Variants in MASTL observed in about 807,000 individuals in gnomAD.
MASTL encodes the protein serine/threonine-protein kinase greatwall.
In MASTL, 54 loss-of-function variants were observed where a neutral mutation model predicts 82.5. The ratio of observed to expected loss-of-function variants is 0.65; its 90% CI spans 0.53 to 0.82. The LOEUF (loss-of-function observed/expected upper bound fraction) is 0.82. Among genes scored for constraint, MASTL ranks in the 40% least tolerant of loss-of-function variants. The probability of loss-of-function intolerance (pLI) is 0.00; values close to 1 mark genes in which losing one functional copy is unlikely to be tolerated. For missense variants in MASTL, 950 were observed against 1,047.8 expected, an observed-to-expected ratio of 0.91 and a Z score of 1.29; for synonymous variants, 323 against 368.9, an observed-to-expected ratio of 0.88 and a Z score of 1.43.
At position 27,183,575 on chromosome 10, in the gene MASTL, C is replaced by T. The variant is rs568944917; in HGVS notation, c.2482+1994C>T. ...TGGGATTTTAAAATTCCTTTTGTAA[C>T]GAGGTATGGTAATATAGAGAAAAGC... is the stretch of plus-strand genomic sequence containing the variant. On this transcript the variant is annotated intron_variant, in intron 11 of 11. Coordinates refer to ENST00000375940, the MANE Select transcript of MASTL (RefSeq NM_001172303.3). Among the ~76,000 whole-genome samples, 8 of 152,058 alleles carry T rather than the reference C, an allele frequency of 5.3e-5. No individual in the cohort carries two copies. The South Asian group carries it at 1.0e-3, about 20-fold the overall frequency.
In MASTL at chr10:27,175,897, G is replaced by C. The variant is rs192926830; in HGVS notation, c.2266+2638G>C. Reference sequence around the variant, plus strand: ...AGATCACTTGAGGTCAGGAGTTCAAGACCAGCCTGGCCAACATGGTAAAAC... The same window carrying C: ...AGATCACTTGAGGTCAGGAGTTCAACACCAGCCTGGCCAACATGGTAAAAC... On this transcript the variant is annotated intron_variant, in intron 9 of 11. Transcript: ENST00000375940. Among the ~76,000 whole-genome samples, 171 of 152,222 alleles carry C rather than the reference G, an allele frequency of 1.1e-3. 1 individual carries two copies. The highest frequency in any genetic ancestry group is 4.0e-3 in the African/African-American group (168 of 41,562).
intron 6 of MASTL, among the ~76,000 whole-genome samples, 158 bp downstream of exon 6, chr10:27,165,697 C>T (rs1370290040): frequency 2.0e-5 from 3 of 151,928 alleles, no homozygotes; most frequent in Non-Finnish European, 4.4e-5. Context: ...CTCACTGCAA[C>T]CCAGGAGTTC....
Position 27,180,944 on chromosome 10 carries a change from C to T in MASTL, c.2267-9C>T, listed in dbSNP as rs751360036. ...CTTGCAACTTTAGCTGTTTCCTCTT[C>T]GATTACAGGTCCTGCGGTAGACTGG... On this transcript the variant is annotated splice_polypyrimidine_tract_variant and intron_variant, in intron 9 of 11. Coordinates refer to ENST00000375940, the MANE Select transcript of MASTL (RefSeq NM_001172303.3). The T allele has an allele frequency of 1.1e-5, 17 of 1,554,962 alleles. No homozygotes were observed. Among genetic ancestry groups the T allele is most frequent in the Admixed American group, 8.3e-5 (5 of 59,918 alleles).
chr10:27,164,001 C>T (rs1214167711), intron 4 of MASTL, among the ~76,000 whole-genome samples: 1 of 151,994 alleles, frequency 6.6e-6, no homozygotes, highest in African/African-American at 2.4e-5. Flanking sequence ...AGTACAGTGG[C>T]ATGATCTAGG....
In MASTL at chr10:27,170,268, C is replaced by T. The variant is rs771323714; in HGVS notation, c.1309C>T (p.His437Tyr). Residue 437 changes from histidine to tyrosine, a missense_variant, in exon 8 of 12, where the codon CAC becomes TAC. By Grantham distance (83) the His-to-Tyr change is moderately conservative. Transcript: ENST00000375940. ...GGATTCTGGTGGGATATCTGAAGAGCACCTTGGGAAAAGAAGTTTAAAAAG... is the reference window on the plus strand; with the variant it reads ...GGATTCTGGTGGGATATCTGAAGAGTACCTTGGGAAAAGAAGTTTAAAAAG... The part of the protein sequence containing the change: ...AVDSGGISEE[H>Y]LGKRSLKRNF... The T allele has an allele frequency of 2.5e-6, 4 of 1,614,014 alleles. No individual in the cohort carries two copies. The highest frequency in any genetic ancestry group is 3.4e-6 in the Non-Finnish European group (4 of 1,179,950).
At chr10:27,165,018 G>T (rs923687971) in intron 4 of MASTL, 46 bp from the exon 5 acceptor site, 1 of 1,194,928 alleles carries the variant, frequency 8.4e-7, no homozygotes. Flanking sequence ...GTCAATGGGA[G>T]GTAAAGGTTT....
rs1293542295 is a variant in MASTL at position 27,186,636 on chromosome 10, A to G, written c.*100A>G. Reference sequence around the variant, plus strand: ...ATTGATCTAAGGGGGAAAGATCATTATTTAACCTAGTTCAATGTGCTTTTA... The same window carrying G: ...ATTGATCTAAGGGGGAAAGATCATTGTTTAACCTAGTTCAATGTGCTTTTA... On this transcript the variant is annotated 3_prime_UTR_variant, in exon 12 of 12. Transcript: ENST00000375940. The G allele has an allele frequency of 9.0e-7, 1 of 1,105,324 alleles. No homozygotes were observed. The highest frequency in any genetic ancestry group is 1.4e-6 in the Non-Finnish European group (1 of 720,346). 68.5% of individuals were successfully genotyped at this position (1,105,324 alleles called of 1,614,324 possible).
At chr10:27,156,569 G>C (rs955986403) in intron 1 of MASTL, among the ~76,000 whole-genome samples, 5 of 151,924 alleles carry the variant, frequency 3.3e-5, no homozygotes, top group African/African-American at 1.2e-4. Flanking sequence ...GTGCAGTCTC[G>C]GCTCCCTGCA....
At chr10:27,178,754 AT>A (rs911494323) in intron 9 of MASTL, among the ~76,000 whole-genome samples, 6 of 149,566 alleles carry the variant, frequency 4.0e-5, no homozygotes, top group South Asian at 2.1e-4. Flanking sequence ...AAATAAGGAA[AT>A]TTTTTTTTTC....
intron 1 of MASTL, 82 bp downstream of exon 1, chr10:27,155,694 G>A (rs1348814184): frequency 2.6e-6 from 4 of 1,532,394 alleles, no homozygotes; most frequent in Non-Finnish European, 9.0e-7. Context: ...AGGCCCCGGG[G>A]TTGCTGGAGC....
intron 10 of MASTL, 46 bp downstream of exon 10, chr10:27,181,112 T>C (rs1301067895): frequency 7.3e-7 from 1 of 1,364,782 alleles, no homozygotes. Context: ...TGGCTGGGCA[T>C]AGTGGCCCAT....
chr10:27,155,438 C>A lies in MASTL; in HGVS notation c.12C>A (p.Thr4=). The change falls in exon 1 of 12, where the codon ACC becomes ACA. Residue 4 remains threonine (T), a synonymous_variant. Coordinates refer to ENST00000375940, the MANE Select transcript of MASTL (RefSeq NM_001172303.3). ...TATGCTGTCCAGCGATGGATCCCACCGCGGGAAGCAAGAAGGAGCCTGGAG... is the reference window on the plus strand; with the variant it reads ...TATGCTGTCCAGCGATGGATCCCACAGCGGGAAGCAAGAAGGAGCCTGGAG... MDP[T]AGSKKEPGGG... is the part of the protein sequence containing the mutation. The A allele has an allele frequency of 6.2e-7, 1 of 1,610,696 alleles. No homozygotes were observed.
At chr10:27,184,493 G>A (rs780159214) in intron 11 of MASTL, among the ~76,000 whole-genome samples, 3 of 148,458 alleles carry the variant, frequency 2.0e-5, no homozygotes, top group Admixed American at 6.7e-5. Context: ...AGATGTGAGT[G>A]TCTGAATGCA....
intron 11 of MASTL, 82 bp from the exon 12 acceptor site, chr10:27,186,297 T>G: frequency 2.2e-6 from 3 of 1,342,488 alleles, no homozygotes; most frequent in Non-Finnish European, 3.2e-6. Context: ...ATGTGAGACA[T>G]TCTCTTTTTA....
At chr10:27,161,381 G>A (rs1429322455) in intron 4 of MASTL, among the ~76,000 whole-genome samples, 199 bp downstream of exon 4, 2 of 151,742 alleles carry the variant, frequency 1.3e-5, no homozygotes, top group African/African-American at 2.4e-5. Context: ...GGTGGCATGC[G>A]CCTGTAATCC....
chr10:27,164,398 C>T (rs1165984557), intron 4 of MASTL, among the ~76,000 whole-genome samples: 1 of 152,210 alleles, frequency 6.6e-6, no homozygotes. Context: ...TTTGGCTTCC[C>T]AAAGTGCTAG....
At position 27,159,568 on chromosome 10, in the gene MASTL, TA is replaced by T; in HGVS notation, c.325-48del. The T allele has an allele frequency of 7.6e-7, 1 of 1,308,776 alleles. No individual in the cohort carries two copies. The highest frequency in any genetic ancestry group is 1.5e-5 in the African/African-American group (1 of 68,360). The allele number at this position is 1,308,776 out of a possible 1,614,324, so 81.1% of individuals were successfully genotyped here. A position where few individuals can be genotyped will look rare whatever the true frequency, so the allele number is the denominator to read the frequency against. The stretch of plus-strand genomic sequence containing the variant: ...CTGTAATGCCCAAATACTAGATTTT[TA>T]AAGTAATCATATTGTTTTTATTTCA... On this transcript the variant is annotated intron_variant, in intron 2 of 11. Transcript: ENST00000375940. The surrounding 1 kb of genome is among the most constrained non-coding windows in gnomAD (Gnocchi z 4.0).
At chr10:27,176,597 C>CTTTG (rs2058108840) in intron 9 of MASTL, among the ~76,000 whole-genome samples, 1 of 152,098 alleles carries the variant, frequency 6.6e-6, no homozygotes, top group South Asian at 2.1e-4. Flanking sequence ...GTGTATTAAA[C>CTTTG]CTTATTTGAG....
intron 9 of MASTL, among the ~76,000 whole-genome samples, chr10:27,174,288 G>A (rs149074297): frequency 1.1e-4 from 17 of 152,038 alleles, no homozygotes; most frequent in Non-Finnish European, 2.1e-4. Flanking sequence ...CTGGGAGGCC[G>A]AGGTTGCAGT....
Sources: gnomAD v4.1 joint callset for allele counts (sites outside exome capture counted in the v4.1 genomes callset) on GRCh38, gnomAD v4.1.1 for gene constraint, Gnocchi (gnomAD v3.1) non-coding constraint, MANE v1.5 for transcripts, NCBI Gene and HGNC (gene_info 2026-07-23, HGNC 2026-07-21) for gene names.